The following ITCH variants were observed in gnomAD, a reference collection of about 807,000 sequenced individuals.
ITCH encodes the protein E3 ubiquitin-protein ligase Itchy homolog.
Under a neutral mutation model 126.8 loss-of-function variants are expected in ITCH, and 28 were observed. That is an observed-to-expected ratio of 0.22 (90% CI 0.16 to 0.30). ITCH has a LOEUF of 0.30. ITCH is among the 10% of genes least tolerant of loss of function. The probability of loss-of-function intolerance (pLI) is 1.00; values close to 1 mark genes in which losing one functional copy is unlikely to be tolerated. For synonymous variants in ITCH, 342 were observed against 340.0 expected, an observed-to-expected ratio of 1.01 and a Z score of -0.06; for missense variants, 631 against 1,032.4, an observed-to-expected ratio of 0.61 and a Z score of 5.33.
chr20:34,450,392 A>T (rs192430966), intron 12 of ITCH, among the ~76,000 whole-genome samples: 189 of 152,332 alleles, frequency 1.2e-3, no homozygotes, highest in African/African-American at 4.4e-3. Context: ...TGGAAGGAGC[A>T]CATGTGAAGG....
intron 2 of ITCH, among the ~76,000 whole-genome samples, chr20:34,380,760 A>G (rs2038029899): frequency 6.6e-6 from 1 of 151,494 alleles, no homozygotes; most frequent in Admixed American, 6.6e-5. Flanking sequence ...CAAGAAGTTG[A>G]GTGCAATCAA....
intron 23 of ITCH, among the ~76,000 whole-genome samples, chr20:34,498,536 T>G (rs1316269100): frequency 1.3e-5 from 2 of 152,228 alleles, no homozygotes; most frequent in African/African-American, 4.8e-5. Context: ...GTTTTTCTTA[T>G]GAAGTGATGT....
intron 7 of ITCH, among the ~76,000 whole-genome samples, chr20:34,433,651 T>C (rs1982620805): frequency 1.6e-5 from 2 of 127,096 alleles, no homozygotes; most frequent in African/African-American, 6.0e-5. Context: ...AGTGAAACAA[T>C]GTCTCAAAAA....
At chr20:34,427,767 A>G (rs964725773) in intron 7 of ITCH, among the ~76,000 whole-genome samples, 6 of 152,128 alleles carry the variant, frequency 3.9e-5, no homozygotes, top group African/African-American at 1.4e-4. Context: ...TTAGTATTTC[A>G]GTTTGCTTTG....
chr20:34,469,838 A>T (rs2207964), intron 14 of ITCH, among the ~76,000 whole-genome samples: 5 of 152,226 alleles, frequency 3.3e-5, no homozygotes, highest in Non-Finnish European at 7.3e-5. Context: ...AGTTTCAACA[A>T]AATCAAAGTT....
chr20:34,413,890 AC>A lies in ITCH; in HGVS notation c.475+13del, dbSNP rs1979418945. ...CTACATGTTCAGAAAGTAAGTGACT[AC>A]CTTTTTAAGGTCTTTAATGATTCTT... On this transcript the variant is annotated intron_variant, in intron 6 of 24. Coordinates refer to ENST00000374864, the MANE Select transcript of ITCH (RefSeq NM_031483.7). 1.2e-6 allele frequency: 2 copies of A among 1,604,930 alleles called. No homozygotes were observed. The highest frequency in any genetic ancestry group is 1.7e-6 in the Non-Finnish European group (2 of 1,171,838).
chr20:34,422,531 G>C (rs768401354), intron 6 of ITCH, among the ~76,000 whole-genome samples: 9 of 151,456 alleles, frequency 5.9e-5, no homozygotes, highest in Non-Finnish European at 2.9e-5. Flanking sequence ...TTCTTAAACT[G>C]AAATTTACCC....
intron 3 of ITCH, among the ~76,000 whole-genome samples, chr20:34,401,394 T>C (rs1247537298): frequency 6.6e-6 from 1 of 152,070 alleles, no homozygotes; most frequent in African/African-American, 2.4e-5. Context: ...AGTTAAGAAA[T>C]TAACTTTCCA....
At chr20:34,398,922 T>C (rs1246793027) in intron 3 of ITCH, among the ~76,000 whole-genome samples, 3 of 152,178 alleles carry the variant, frequency 2.0e-5, no homozygotes, top group Admixed American at 2.0e-4. Flanking sequence ...TCATAATTCA[T>C]TGAGTTACTT....
intron 16 of ITCH, among the ~76,000 whole-genome samples, chr20:34,472,383 A>AG (rs1341516095): frequency 1.7e-4 from 21 of 126,914 alleles, no homozygotes; most frequent in Non-Finnish European, 2.6e-4. Flanking sequence ...AAAAAAAAAA[A>AG]AAAAAAAAAA....
At chr20:34,426,957 G>A (rs1256209838) in intron 7 of ITCH, among the ~76,000 whole-genome samples, 1 of 151,640 alleles carries the variant, frequency 6.6e-6, no homozygotes, top group African/African-American at 2.4e-5. Context: ...TGTATTTTTA[G>A]TAGAGACGGG....
At chr20:34,412,669 C>A (rs1211202676) in intron 5 of ITCH, 30 bp downstream of exon 5, 1 of 1,580,364 alleles carries the variant, frequency 6.3e-7, no homozygotes, top group Non-Finnish European at 8.7e-7. Flanking sequence ...AGAAATTGCA[C>A]TTAGCTGTTT....
rs559615685 is a variant in ITCH at position 34,478,800 on chromosome 20, A to G, written c.1659-830A>G. Among the ~76,000 whole-genome samples, 10 of 152,322 alleles carry G rather than the reference A, an allele frequency of 6.6e-5. No homozygotes were observed. In the South Asian group the frequency reaches 2.1e-3, roughly 32 times the overall value. On this transcript the variant is annotated intron_variant, in intron 17 of 24. Transcript: ENST00000374864. ...ATGATATAATCATAGATAAATAACAAATATGAGTAGAAACATGTAATTTTG... is the reference window on the plus strand; with the variant it reads ...ATGATATAATCATAGATAAATAACAGATATGAGTAGAAACATGTAATTTTG...
intron 19 of ITCH, 96 bp from the exon 20 acceptor site, chr20:34,480,970 T>TA: frequency 1.6e-6 from 2 of 1,244,806 alleles, no homozygotes; most frequent in South Asian, 2.5e-5. Flanking sequence ...TATAGCTTAA[T>TA]ATTAATTATT....
intron 10 of ITCH, among the ~76,000 whole-genome samples, chr20:34,443,838 T>C (rs955556680): frequency 2.0e-5 from 3 of 151,818 alleles, no homozygotes; most frequent in African/African-American, 7.3e-5. Context: ...AAAAAGAAAT[T>C]AGCTGGGCAT....
intron 10 of ITCH, among the ~76,000 whole-genome samples, chr20:34,443,637 T>C (rs1173759183): frequency 6.6e-6 from 1 of 152,226 alleles, no homozygotes; most frequent in African/African-American, 2.4e-5. Flanking sequence ...GGTACTGTTT[T>C]AGTTATTAAA....
At chr20:34,451,452 C>A (rs1985239046) in intron 12 of ITCH, among the ~76,000 whole-genome samples, 1 of 151,916 alleles carries the variant, frequency 6.6e-6, no homozygotes, top group Non-Finnish European at 1.5e-5. Flanking sequence ...AGAGCAAGAC[C>A]CTGTCTCAAA....
chr20:34,450,468 C>T (rs996099839), intron 12 of ITCH, among the ~76,000 whole-genome samples: 4 of 152,074 alleles, frequency 2.6e-5, no homozygotes, highest in Non-Finnish European at 5.9e-5. Context: ...TATCTGATAC[C>T]TTAGTTATTA....
At chr20:34,479,866 C>A in intron 18 of ITCH, 77 bp downstream of exon 18, 1 of 1,258,878 alleles carries the variant, frequency 7.9e-7, no homozygotes, top group South Asian at 1.2e-5. Flanking sequence ...CATAACAGAT[C>A]ATATGAGAGA....
Sources: gnomAD v4.1 joint callset for allele counts (sites outside exome capture counted in the v4.1 genomes callset) on GRCh38, gnomAD v4.1.1 for gene constraint, MANE v1.5 for transcripts, NCBI Gene and HGNC (gene_info 2026-07-23, HGNC 2026-07-21) for gene names.